The following PRDM16 variants were observed in gnomAD, a reference collection of about 807,000 sequenced individuals.
PRDM16 encodes PR/SET domain 16.
Under a neutral mutation model 110.6 loss-of-function variants are expected in PRDM16, and 23 were observed. The ratio of observed to expected loss-of-function variants is 0.21; its 90% CI spans 0.15 to 0.29. The LOEUF is 0.29. Ranked by LOEUF, PRDM16 falls within the 10% of genes least tolerant of loss-of-function variation. The pLI is 1.00. For synonymous variants in PRDM16, 799 were observed against 781.8 expected (o/e 1.02, Z -0.37); for missense variants, 1,615 against 1,794.3 (o/e 0.90, Z 1.81).
chr1:3,328,485 G>T (rs996214201), intron 3 of PRDM16, among the ~76,000 whole-genome samples: 1 of 152,174 alleles, frequency 6.6e-6, no homozygotes. Context: ...GGCAGCCGGG[G>T]CTCTTAGGAA....
intron 3 of PRDM16, among the ~76,000 whole-genome samples, chr1:3,376,538 A>G (rs1320663361): frequency 6.6e-6 from 1 of 152,172 alleles, no homozygotes; most frequent in Non-Finnish European, 1.5e-5. Flanking sequence ...GTGAGACCAC[A>G]GTCAGGCGGG....
chr1:3,347,278 A>C (rs1642379658), intron 3 of PRDM16, among the ~76,000 whole-genome samples: 1 of 152,220 alleles, frequency 6.6e-6, no homozygotes, highest in Admixed American at 6.5e-5. Context: ...CAATGCTTAA[A>C]GCGCCTCCAC....
In PRDM16 at chr1:3,358,986, C is replaced by T. The variant is rs778971853; in HGVS notation, c.439-26166C>T. Among the ~76,000 whole-genome samples, 27 of 152,128 alleles carry T rather than the reference C, an allele frequency of 1.8e-4. No homozygotes were observed. The highest frequency in any genetic ancestry group is 3.4e-4 in the Non-Finnish European group (23 of 68,026). On this transcript the variant is annotated intron_variant, in intron 3 of 16. Transcript: ENST00000270722. The surrounding 1 kb of genome is among the most constrained non-coding windows in gnomAD (Gnocchi z 4.0). ...TGTGGCTCATGTTGTCATCTTGGGT[C>T]GCATTACAGCCAGTTGACTCGCGGA... is the stretch of plus-strand genomic sequence containing the variant.
At chr1:3,164,842 G>A (rs1199155774) in intron 1 of PRDM16, among the ~76,000 whole-genome samples, 2 of 152,182 alleles carry the variant, frequency 1.3e-5, no homozygotes, top group African/African-American at 2.4e-5. Flanking sequence ...GCCCGCCTCC[G>A]TTCTCTGCTG....
intron 1 of PRDM16, among the ~76,000 whole-genome samples, chr1:3,152,304 TCATCCATCCATCCATC>T (rs140476841): frequency 0.013 from 1,946 of 151,784 alleles, 78 homozygotes; most frequent in East Asian, 0.11. Context: ...ATCCCTCCTT[TCATCCATCCATCCATC>T]CATCCATCCA....
chr1:3,397,943 G>A lies in PRDM16; in HGVS notation c.676+1350G>A, dbSNP rs565824788. On this transcript the variant is annotated intron_variant, in intron 5 of 16. Transcript: ENST00000270722. ...TATCTGTTTATGTCCCTGAGTGTCC[G>A]AAAGGAAATGACCACAGAAGGATAG... Among the ~76,000 whole-genome samples the A allele has an allele frequency of 1.2e-3, 178 of 152,248 alleles. 2 individuals carry two copies. Among genetic ancestry groups the A allele is most frequent in the Non-Finnish European group, 1.9e-3 (128 of 68,030 alleles).
chr1:3,321,957 T>A (rs1013010558), intron 3 of PRDM16, among the ~76,000 whole-genome samples: 2 of 151,846 alleles, frequency 1.3e-5, no homozygotes, highest in African/African-American at 4.8e-5. Context: ...TGCATGTATG[T>A]ACATGAGACT....
At chr1:3,400,983 G>T (rs1443599988) in intron 5 of PRDM16, among the ~76,000 whole-genome samples, 2 of 152,140 alleles carry the variant, frequency 1.3e-5, no homozygotes, top group Non-Finnish European at 2.9e-5. Context: ...GGGTGGGTGG[G>T]TGCGTGCCAT....
intron 15 of PRDM16, among the ~76,000 whole-genome samples, chr1:3,431,345 G>A (rs942511109): frequency 3.3e-5 from 5 of 151,040 alleles, no homozygotes; most frequent in African/African-American, 1.2e-4. Flanking sequence ...GAAGCAGAGT[G>A]TGGAGGGGAA....
At chr1:3,408,531 CGT>C (rs911890661) in intron 8 of PRDM16, among the ~76,000 whole-genome samples, 10 of 124,838 alleles carry the variant, frequency 8.0e-5, no homozygotes, top group African/African-American at 2.3e-4. Context: ...TGTGTGAGAG[CGT>C]GTGTGTGGAC....
intron 8 of PRDM16, among the ~76,000 whole-genome samples, chr1:3,409,658 GGTGTGCGTGTCTGTGGTGTGT>G (rs1431802987): frequency 6.6e-6 from 1 of 151,790 alleles, no homozygotes; most frequent in East Asian, 1.9e-4. Flanking sequence ...GTGTGTGTGT[GGTGTGCGTGTCTGTGGTGTGT>G]GTGTGCGTGT....
At chr1:3,356,610 G>T (rs985475349) in intron 3 of PRDM16, among the ~76,000 whole-genome samples, 1 of 152,206 alleles carries the variant, frequency 6.6e-6, no homozygotes, top group Non-Finnish European at 1.5e-5. Flanking sequence ...GTGTCTGGAC[G>T]CTGTTCTAAG....
Position 3,185,725 on chromosome 1 carries a change from G to A in PRDM16, c.38-400G>A, listed in dbSNP as rs149783057. ...ACCATCAGCCAGCCCTGGGTCAGCCGCCACGCGTGACGGCTTCACCGGCTG... is the reference window on the plus strand; with the variant it reads ...ACCATCAGCCAGCCCTGGGTCAGCCACCACGCGTGACGGCTTCACCGGCTG... On this transcript the variant is annotated intron_variant, in intron 1 of 16. Transcript: ENST00000270722. 1.0e-3 allele frequency among the ~76,000 whole-genome samples: 158 copies of A among 152,346 alleles called. No individual in the cohort carries two copies. In the East Asian group the frequency reaches 0.015, roughly 14 times the overall value.
chr1:3,273,133 G>A (rs572531078), intron 3 of PRDM16, among the ~76,000 whole-genome samples: 1 of 152,326 alleles, frequency 6.6e-6, no homozygotes, highest in African/African-American at 2.4e-5. Flanking sequence ...AGGATCCCAG[G>A]GGCAGTGGGG....
chr1:3,248,481 G>A (rs958747077), intron 3 of PRDM16, among the ~76,000 whole-genome samples: 1 of 152,180 alleles, frequency 6.6e-6, no homozygotes, highest in Non-Finnish European at 1.5e-5. Flanking sequence ...TCGCATGGGA[G>A]GGCTAGGCCT....
intron 2 of PRDM16, among the ~76,000 whole-genome samples, chr1:3,216,400 G>T (rs1373654202): frequency 6.6e-6 from 1 of 152,198 alleles, no homozygotes; most frequent in Non-Finnish European, 1.5e-5. Flanking sequence ...GAGCATGCAT[G>T]CTCCTGCAGG....
At chr1:3,376,350 G>GC (rs1642989881) in intron 3 of PRDM16, among the ~76,000 whole-genome samples, 2 of 152,188 alleles carry the variant, frequency 1.3e-5, no homozygotes, top group Admixed American at 6.5e-5. Flanking sequence ...CAAAAGCAGA[G>GC]CCCCCCAGGC....
At chr1:3,286,570 A>G (rs1272182924) in intron 3 of PRDM16, among the ~76,000 whole-genome samples, 1 of 152,172 alleles carries the variant, frequency 6.6e-6, no homozygotes, top group African/African-American at 2.4e-5. Flanking sequence ...AGGAGAAAGA[A>G]GAAGACATGG....
chr1:3,298,321 G>A (rs1472973847), intron 3 of PRDM16, among the ~76,000 whole-genome samples: 1 of 152,228 alleles, frequency 6.6e-6, no homozygotes, highest in Non-Finnish European at 1.5e-5. Context: ...GAGCCTGTCT[G>A]CCTCCTTGAA....
Sources: allele counts gnomAD v4.1 joint callset (sites outside exome capture counted in the v4.1 genomes callset), GRCh38; gene constraint gnomAD v4.1.1; non-coding constraint Gnocchi (gnomAD v3.1); transcripts MANE v1.5; gene names NCBI Gene and HGNC (gene_info 2026-07-23, HGNC 2026-07-21).